CYTH3: variants seen among roughly 807,000 people sequenced by gnomAD.
The protein encoded by CYTH3 is cytohesin 3, also known as cytohesin-3.
In CYTH3, 23 loss-of-function variants were observed where a neutral mutation model predicts 55.1. That is an observed-to-expected ratio of 0.42 (90% CI 0.30 to 0.59). The LOEUF is 0.59. Ranked by LOEUF, CYTH3 falls within the 20% of genes least tolerant of loss-of-function variation. CYTH3 has a pLI of 0.20. For synonymous variants in CYTH3, 249 were observed against 194.9 expected, an observed-to-expected ratio of 1.28 and a Z score of -2.31; for missense variants, 413 against 524.8, an observed-to-expected ratio of 0.79 and a Z score of 2.08.
chr7:6,203,097 A>G (rs1404322896), intron 1 of CYTH3, among the ~76,000 whole-genome samples: 1 of 152,192 alleles, frequency 6.6e-6, no homozygotes, highest in Non-Finnish European at 1.5e-5. Flanking sequence ...TCAGTTATTC[A>G]CAAAGTCAGA....
At chr7:6,258,177 G>A (rs573552739) in intron 1 of CYTH3, among the ~76,000 whole-genome samples, 2 of 151,510 alleles carry the variant, frequency 1.3e-5, no homozygotes, top group South Asian at 2.1e-4. Context: ...TTAAATTAGC[G>A]CAGCGTGGTG....
At chr7:6,201,670 G>A (rs543867344) in intron 1 of CYTH3, among the ~76,000 whole-genome samples, 3 of 152,188 alleles carry the variant, frequency 2.0e-5, no homozygotes, top group Non-Finnish European at 4.4e-5. Context: ...ATCTCATAGA[G>A]TAAGAACAGA....
chr7:6,229,678 A>C (rs1265008238), intron 1 of CYTH3, among the ~76,000 whole-genome samples: 1 of 150,382 alleles, frequency 6.6e-6, no homozygotes, highest in Non-Finnish European at 1.5e-5. Flanking sequence ...TTAGCCGGGC[A>C]TGGTGGGAGG....
At chr7:6,179,815 ACAC>A (rs1264225342) in intron 4 of CYTH3, among the ~76,000 whole-genome samples, 1 of 129,124 alleles carries the variant, frequency 7.7e-6, no homozygotes, top group Non-Finnish European at 1.6e-5. Context: ...CACACCACAC[ACAC>A]ACCACACACG....
chr7:6,179,604 CA>C lies in CYTH3; in HGVS notation c.250-1664del, dbSNP rs1251349057. 4.4e-4 allele frequency among the ~76,000 whole-genome samples: 40 copies of C among 90,282 alleles called. 1 individual carries two copies. Among genetic ancestry groups the C allele is most frequent in the South Asian group, 1.5e-3 (5 of 3,318 alleles). 59.2% of individuals were successfully genotyped at this position (90,282 alleles called of 152,430 possible). A position where few individuals can be genotyped will look rare whatever the true frequency, so the allele number is the denominator to read the frequency against. On this transcript the variant is annotated intron_variant, in intron 4 of 12. Coordinates refer to ENST00000350796, the MANE Select transcript of CYTH3 (RefSeq NM_004227.4). ...ACAAGACAGACACACACACACACACCACACACCACACACACACACCCCCCAC... is the reference window on the plus strand; with the variant it reads ...ACAAGACAGACACACACACACACACCCACACCACACACACACACCCCCCAC...
chr7:6,237,027 G>A lies in CYTH3; in HGVS notation c.34+35447C>T, dbSNP rs528164044. Among the ~76,000 whole-genome samples, 6 of 152,300 alleles carry A rather than the reference G, an allele frequency of 3.9e-5. No individual in the cohort carries two copies. The South Asian group carries it at 6.2e-4, about 16-fold the overall frequency. On this transcript the variant is annotated intron_variant, in intron 1 of 12. Transcript: ENST00000350796. ...GTGAAATGCATTTCTTTTCACAACG[G>A]CTCACAGAAGGCTCATGTCAAAGCA...
chr7:6,259,783 TAA>T lies in CYTH3; in HGVS notation c.34+12689_34+12690del, dbSNP rs1491129666. 2.1e-4 allele frequency among the ~76,000 whole-genome samples: 4 copies of T among 18,850 alleles called. No homozygotes were observed. In the African/African-American group the frequency reaches 3.5e-3, roughly 17 times the overall value. The allele number at this position is 18,850 out of a possible 152,430, so 12.4% of individuals were successfully genotyped here. A position where few individuals can be genotyped will look rare whatever the true frequency, so the allele number is the denominator to read the frequency against. On this transcript the variant is annotated intron_variant, in intron 1 of 12. Coordinates refer to ENST00000350796, the MANE Select transcript of CYTH3 (RefSeq NM_004227.4). ...TATATATATATATATTATATATATA[TAA>T]TATATATATATATATATATATATAT...
At chr7:6,204,650 G>A (rs1045603506) in intron 1 of CYTH3, among the ~76,000 whole-genome samples, 1 of 152,206 alleles carries the variant, frequency 6.6e-6, no homozygotes, top group Non-Finnish European at 1.5e-5. Context: ...GGTTGCAGGA[G>A]TTGCCTAGCA....
chr7:6,208,132 T>G (rs1435551554), intron 1 of CYTH3, among the ~76,000 whole-genome samples: 2 of 152,232 alleles, frequency 1.3e-5, no homozygotes, highest in Non-Finnish European at 2.9e-5. Flanking sequence ...TACACATCTA[T>G]CACTGGATAA....
chr7:6,268,230 G>A (rs558342253), intron 1 of CYTH3, among the ~76,000 whole-genome samples: 5 of 152,056 alleles, frequency 3.3e-5, no homozygotes, highest in Admixed American at 1.3e-4. Flanking sequence ...ATGCAGTGGC[G>A]CAATCTCACT....
At chr7:6,166,727 T>C (rs2128535903) in intron 9 of CYTH3, among the ~76,000 whole-genome samples, 1 of 152,262 alleles carries the variant, frequency 6.6e-6, no homozygotes, top group East Asian at 1.9e-4. Context: ...TCAGCGGAAC[T>C]GGAGGCCGGA....
chr7:6,171,296 G>A lies in CYTH3; in HGVS notation c.468C>T (p.Phe156=). ...TCTTCTGCGCCTCCCCGGGCAGCCT[G>A]AAGCTCCATAAGAACTGCCTGTGGA... ...VQALRQFLWS[F]RLPGEAQKID... is the part of the protein sequence containing the mutation. The change falls in exon 7 of 13, where the codon TTC becomes TTT. Residue 156 remains phenylalanine (F), a synonymous_variant. Coordinates refer to ENST00000350796, the MANE Select transcript of CYTH3 (RefSeq NM_004227.4). The surrounding 1 kb of genome is among the most constrained non-coding windows in gnomAD (Gnocchi z 6.7). 6.2e-7 allele frequency: 1 copy of A among 1,614,166 alleles called. No homozygotes were observed. The highest frequency in any genetic ancestry group is 8.5e-7 in the Non-Finnish European group (1 of 1,180,016).
rs1208553337 is a variant in CYTH3, at chr7:6,272,581, G to A, written c.-74C>T. ...GCCGCGGGCTGGGGACGCCGCCGGAGGGAGCGCGCAGGCGACCGGGCGGCT... is the reference window on the plus strand; with the variant it reads ...GCCGCGGGCTGGGGACGCCGCCGGAAGGAGCGCGCAGGCGACCGGGCGGCT... On this transcript the variant is annotated 5_prime_UTR_variant, in exon 1 of 13. Coordinates refer to ENST00000350796, the MANE Select transcript of CYTH3 (RefSeq NM_004227.4). 4.4e-6 allele frequency: 5 copies of A among 1,126,796 alleles called. No homozygotes were observed. Among genetic ancestry groups the A allele is most frequent in the Non-Finnish European group, 1.1e-6 (1 of 918,590 alleles). 69.8% of individuals were successfully genotyped at this position (1,126,796 alleles called of 1,614,324 possible).
At chr7:6,189,296 G>A (rs1783737687) in intron 2 of CYTH3, among the ~76,000 whole-genome samples, 1 of 151,824 alleles carries the variant, frequency 6.6e-6, no homozygotes, top group Non-Finnish European at 1.5e-5. Context: ...GTGTGCCTGT[G>A]TTTTTATTTG....
chr7:6,266,678 G>A (rs1038150207), intron 1 of CYTH3, among the ~76,000 whole-genome samples: 1 of 151,628 alleles, frequency 6.6e-6, no homozygotes, highest in African/African-American at 2.4e-5. Flanking sequence ...GCACCTCGAA[G>A]GGCATTTCCT....
intron 1 of CYTH3, among the ~76,000 whole-genome samples, chr7:6,247,433 G>C (rs1779849387): frequency 6.6e-6 from 1 of 151,526 alleles, no homozygotes; most frequent in Admixed American, 6.6e-5. Context: ...TTTTTTTTCA[G>C]CTCAAAGATA....
intron 1 of CYTH3, among the ~76,000 whole-genome samples, chr7:6,212,029 C>G (rs1784329744): frequency 6.6e-6 from 1 of 152,048 alleles, no homozygotes; most frequent in Admixed American, 6.6e-5. Context: ...GGGTCTTATT[C>G]ATTCTTTCTA....
chr7:6,181,282 A>T lies in CYTH3; in HGVS notation c.250-3341T>A, dbSNP rs1043030683. ...ATGCCTTTCCTTTTTTATCCTATGT[A>T]GTCATTTCTTGTTTTGAGGTGTCAC... On this transcript the variant is annotated intron_variant, in intron 4 of 12. Coordinates refer to ENST00000350796, the MANE Select transcript of CYTH3 (RefSeq NM_004227.4). Among the ~76,000 whole-genome samples the T allele has an allele frequency of 2.6e-5, 4 of 152,108 alleles. No individual in the cohort carries two copies. In the South Asian group the frequency reaches 8.3e-4, roughly 32 times the overall value.
chr7:6,256,824 T>G (rs575828293), intron 1 of CYTH3, among the ~76,000 whole-genome samples: 1 of 152,298 alleles, frequency 6.6e-6, no homozygotes, highest in African/African-American at 2.4e-5. Flanking sequence ...ACCACATCCA[T>G]GTGGACTCTG....
Sources: allele counts gnomAD v4.1 joint callset (sites outside exome capture counted in the v4.1 genomes callset), GRCh38; gene constraint gnomAD v4.1.1; non-coding constraint Gnocchi (gnomAD v3.1); transcripts MANE v1.5; gene names NCBI Gene and HGNC (gene_info 2026-07-23, HGNC 2026-07-21).